STAT4: variants seen among roughly 807,000 people sequenced by gnomAD.
The protein encoded by STAT4 is signal transducer and activator of transcription 4.
STAT4 carries 42 observed loss-of-function variants against 110.5 expected under a neutral mutation model. That is an observed-to-expected ratio of 0.38 (90% CI 0.30 to 0.49). The LOEUF (loss-of-function observed/expected upper bound fraction) is 0.49, where lower values mean the gene tolerates loss of function less well. STAT4 is among the 20% of genes least tolerant of loss of function. The pLI is 0.95. For missense variants in STAT4, 632 were observed against 887.9 expected (o/e 0.71, Z 3.66); for synonymous variants, 284 against 302.2 (o/e 0.94, Z 0.63).
At position 191,039,117 on chromosome 2, in the gene STAT4, A is replaced by C; in HGVS notation, c.1434+82T>G. 1 of 1,262,622 alleles carries C rather than the reference A, an allele frequency of 7.9e-7. No individual in the cohort carries two copies. Among genetic ancestry groups the C allele is most frequent in the Non-Finnish European group, 1.2e-6 (1 of 861,320 alleles). 78.2% of individuals were successfully genotyped at this position (1,262,622 alleles called of 1,614,324 possible). ...CTCACCCCACACCCCACTGGCACAC[A>C]CATGTTTTGATGCAGATGTGTTTGT... On this transcript the variant is annotated intron_variant, in intron 16 of 23. Coordinates refer to ENST00000392320, the MANE Select transcript of STAT4 (RefSeq NM_003151.4). The surrounding 1 kb of genome is among the most constrained non-coding windows in gnomAD (Gnocchi z 4.7).
In STAT4 at chr2:191,132,562, G is replaced by C. The variant is rs551416513; in HGVS notation, c.273+14051C>G. Among the ~76,000 whole-genome samples, 9 of 151,786 alleles carry C rather than the reference G, an allele frequency of 5.9e-5. 1 individual carries two copies. The highest frequency in any genetic ancestry group is 5.9e-4 in the Admixed American group (9 of 15,270). On this transcript the variant is annotated intron_variant, in intron 3 of 23. Coordinates refer to ENST00000392320, the MANE Select transcript of STAT4 (RefSeq NM_003151.4). ...CAAAATTAAAGAAATGTGTGGAATT[G>C]CCATGATACAACAAGGATAATGTAA... is the stretch of plus-strand genomic sequence containing the variant.
rs182140055 is a variant in STAT4 at position 191,043,422 on chromosome 2, A to G, written c.1252-2274T>C. Among the ~76,000 whole-genome samples the G allele has an allele frequency of 1.8e-3, 274 of 152,338 alleles. No individual in the cohort carries two copies. Among genetic ancestry groups the G allele is most frequent in the Middle Eastern group, 6.8e-3 (2 of 294 alleles). ...GAGAACAGAGAAAATGGAGTAGAGGAAATGTCAAAGACATAAACAAATTGT... is the reference window on the plus strand; with the variant it reads ...GAGAACAGAGAAAATGGAGTAGAGGGAATGTCAAAGACATAAACAAATTGT... On this transcript the variant is annotated intron_variant, in intron 14 of 23. Transcript: ENST00000392320. The surrounding 1 kb of genome is among the most constrained non-coding windows in gnomAD (Gnocchi z 4.8).
chr2:191,029,586 ATATTGT>A lies in STAT4; in HGVS notation c.*248_*253del. The A allele has an allele frequency of 4.1e-6, 2 of 484,414 alleles. No individual in the cohort carries two copies. The highest frequency in any genetic ancestry group is 7.2e-6 in the Non-Finnish European group (2 of 278,068). 30.0% of individuals were successfully genotyped at this position (484,414 alleles called of 1,614,324 possible). On this transcript the variant is annotated 3_prime_UTR_variant, in exon 24 of 24. Coordinates refer to ENST00000392320, the MANE Select transcript of STAT4 (RefSeq NM_003151.4). The surrounding 1 kb of genome is among the most constrained non-coding windows in gnomAD (Gnocchi z 4.5). ...ACACAGGCAAGCGAGTCTTCTGTTA[ATATTGT>A]TATTAACACTGGTTTCTTAAAGTTG...
Position 191,029,772 on chromosome 2 carries a change from A to G in STAT4, c.*68T>C, listed in dbSNP as rs1425281169. On this transcript the variant is annotated 3_prime_UTR_variant, in exon 24 of 24. Coordinates refer to ENST00000392320, the MANE Select transcript of STAT4 (RefSeq NM_003151.4). This position sits in a 1 kb window ranked among gnomAD's most constrained non-coding sequence, Gnocchi z 4.5. ...AAAGCTGAAGAAATAAAATGTGGTT[A>G]TTGGGCAAAGAACAGTCTTTAAACT... 8 of 1,390,428 alleles carry G rather than the reference A, an allele frequency of 5.8e-6. No homozygotes were observed. In the East Asian group the frequency reaches 1.9e-4, roughly 32 times the overall value. 86.1% of individuals were successfully genotyped at this position (1,390,428 alleles called of 1,614,324 possible). A position where few individuals can be genotyped will look rare whatever the true frequency, so the allele number is the denominator to read the frequency against.
rs769491603 is a variant in STAT4 at position 191,061,791 on chromosome 2, C to T, written c.972G>A (p.Met324Ile). 6.2e-7 allele frequency: 1 copy of T among 1,612,436 alleles called. No homozygotes were observed. The highest frequency in any genetic ancestry group is 1.1e-5 in the South Asian group (1 of 90,550). Residue 324 changes from methionine (M) to isoleucine (I), a missense_variant, in exon 10 of 24, where the codon ATG becomes ATA. By Grantham distance (10) the Met-to-Ile change is conservative (BLOSUM62 1). Around this residue, in one of 4 missense-constraint regions of STAT4, gnomAD observed 488 missense variants for 632.8 expected, o/e 0.77. Coordinates refer to ENST00000392320, the MANE Select transcript of STAT4 (RefSeq NM_003151.4). This position sits in a 1 kb window ranked among gnomAD's most constrained non-coding sequence, Gnocchi z 6.2. Reference sequence around the variant, plus strand: ...CCAACGGCCTCTGAGGGTGGGTTGGCATACATGGCTGTCGCTCAACCACAA... The same window carrying T: ...CCAACGGCCTCTGAGGGTGGGTTGGTATACATGGCTGTCGCTCAACCACAA... ...NSFVVERQPCMPTHPQRPLVL... is the reference protein window; with the variant it reads ...NSFVVERQPCIPTHPQRPLVL...
Position 191,042,951 on chromosome 2 carries a change from G to C in STAT4, c.1252-1803C>G, listed in dbSNP as rs964493156. Among the ~76,000 whole-genome samples, 1 of 151,814 alleles carries C rather than the reference G, an allele frequency of 6.6e-6. No homozygotes were observed. Among genetic ancestry groups the C allele is most frequent in the African/African-American group, 2.4e-5 (1 of 41,320 alleles). On this transcript the variant is annotated intron_variant, in intron 14 of 23. Coordinates refer to ENST00000392320, the MANE Select transcript of STAT4 (RefSeq NM_003151.4). This position sits in a 1 kb window ranked among gnomAD's most constrained non-coding sequence, Gnocchi z 4.2. ...TGCGCCACCATGCCTGGCTAATTTT[G>C]TATTTTTAGTAGAGATGGGGTTTCT... is the stretch of plus-strand genomic sequence containing the variant.
At chr2:191,100,968 T>G (rs1007635371) in intron 3 of STAT4, among the ~76,000 whole-genome samples, 1 of 152,018 alleles carries the variant, frequency 6.6e-6, no homozygotes, top group Non-Finnish European at 1.5e-5. Flanking sequence ...TTTTAGAACA[T>G]GTACTGTCAT....
chr2:191,119,730 A>G (rs1004975555), intron 3 of STAT4, among the ~76,000 whole-genome samples: 13 of 152,332 alleles, frequency 8.5e-5, no homozygotes, highest in African/African-American at 2.9e-4. Flanking sequence ...GCAATTTTGA[A>G]GAAGAACAAG....
intron 3 of STAT4, among the ~76,000 whole-genome samples, chr2:191,100,432 C>G (rs184846626): frequency 1.8e-4 from 28 of 152,264 alleles, no homozygotes; most frequent in African/African-American, 6.5e-4. Context: ...TGCAGGTACA[C>G]AGAGTCATAC....
chr2:191,085,919 C>T (rs549759409), intron 3 of STAT4, among the ~76,000 whole-genome samples: 3 of 152,100 alleles, frequency 2.0e-5, no homozygotes, highest in African/African-American at 7.2e-5. Flanking sequence ...GTCAAGAAAA[C>T]CTTTTTTTCA....
At chr2:191,119,661 A>G (rs1055242377) in intron 3 of STAT4, among the ~76,000 whole-genome samples, 1 of 152,206 alleles carries the variant, frequency 6.6e-6, no homozygotes, top group Non-Finnish European at 1.5e-5. Context: ...TTATTTGTTG[A>G]AATTGTCAAG....
At chr2:191,068,634 T>C (rs1697059813) in intron 6 of STAT4, 1 of 152,164 alleles carries the variant, frequency 6.6e-6, no homozygotes, top group African/African-American at 2.4e-5. Context: ...TTTTTTGAAT[T>C]ATTTTGAAAT....
intron 3 of STAT4, among the ~76,000 whole-genome samples, chr2:191,089,665 C>T (rs1697738494): frequency 6.6e-6 from 1 of 152,112 alleles, no homozygotes; most frequent in South Asian, 2.1e-4. Context: ...AAGATATCCT[C>T]AAATAGGTGA....
chr2:191,047,225 C>G (rs1444700540), intron 14 of STAT4, among the ~76,000 whole-genome samples: 3 of 152,138 alleles, frequency 2.0e-5, no homozygotes, highest in Non-Finnish European at 4.4e-5. Context: ...CCCTGTGCAT[C>G]TCTTCCACTT....
chr2:191,139,868 A>G (rs371701716), intron 3 of STAT4, among the ~76,000 whole-genome samples: 1 of 152,244 alleles, frequency 6.6e-6, no homozygotes, highest in East Asian at 1.9e-4. Flanking sequence ...AGAAGGCTAT[A>G]GTTACCAAAA....
Position 191,039,086 on chromosome 2 carries a change from G to T in STAT4, c.1434+113C>A. ...TACAACTAGAAATACTACAAATAAAGCAACTCTCACCCCACACCCCACTGG... is the reference window on the plus strand; with the variant it reads ...TACAACTAGAAATACTACAAATAAATCAACTCTCACCCCACACCCCACTGG... On this transcript the variant is annotated intron_variant, in intron 16 of 23. Transcript: ENST00000392320. The surrounding 1 kb of genome is among the most constrained non-coding windows in gnomAD (Gnocchi z 4.7). 3.5e-6 allele frequency: 3 copies of T among 863,240 alleles called. No homozygotes were observed. Among genetic ancestry groups the T allele is most frequent in the East Asian group, 2.5e-5 (1 of 40,288 alleles). 53.5% of individuals were successfully genotyped at this position (863,240 alleles called of 1,614,324 possible).
At chr2:191,124,225 G>T (rs976192859) in intron 3 of STAT4, among the ~76,000 whole-genome samples, 37 of 152,280 alleles carry the variant, frequency 2.4e-4, no homozygotes, top group African/African-American at 8.7e-4. Flanking sequence ...GGGACGCGGA[G>T]GCTGGCGGAT....
rs1262895468 is a variant in STAT4, at chr2:191,140,177, T to A, written c.273+6436A>T. Among the ~76,000 whole-genome samples, 4 of 152,202 alleles carry A rather than the reference T, an allele frequency of 2.6e-5. No homozygotes were observed. Among genetic ancestry groups the A allele is most frequent in the African/African-American group, 4.8e-5 (2 of 41,448 alleles). Reference sequence around the variant, plus strand: ...AACATTGGAAAAATACTTCTAGGCATTGGCTTAGGCAAAGAATTCATGGCT... The same window carrying A: ...AACATTGGAAAAATACTTCTAGGCAATGGCTTAGGCAAAGAATTCATGGCT... On this transcript the variant is annotated intron_variant, in intron 3 of 23. Transcript: ENST00000392320. The surrounding 1 kb of genome is among the most constrained non-coding windows in gnomAD (Gnocchi z 4.4).
rs186128348 is a variant in STAT4, at chr2:191,119,097, G to A, written c.273+27516C>T. On this transcript the variant is annotated intron_variant, in intron 3 of 23. Coordinates refer to ENST00000392320, the MANE Select transcript of STAT4 (RefSeq NM_003151.4). ...AACTGGTTTCGATGCACAGAGTTAAGACCTATGGTTCTGACAAAATAATCA... is the reference window on the plus strand; with the variant it reads ...AACTGGTTTCGATGCACAGAGTTAAAACCTATGGTTCTGACAAAATAATCA... Among the ~76,000 whole-genome samples the A allele has an allele frequency of 2.7e-3, 407 of 152,244 alleles. 1 individual carries two copies. The highest frequency in any genetic ancestry group is 4.3e-3 in the Non-Finnish European group (295 of 68,010).
Sources: gnomAD v4.1 joint callset for allele counts (sites outside exome capture counted in the v4.1 genomes callset) on GRCh38, gnomAD v4.1.1 for gene constraint, gnomAD v4.1.1 regional missense constraint, Gnocchi (gnomAD v3.1) non-coding constraint, MANE v1.5 for transcripts, NCBI Gene and HGNC (gene_info 2026-07-23, HGNC 2026-07-21) for gene names.